ITGA11: variants seen among roughly 807,000 people sequenced by gnomAD.
ITGA11 encodes integrin subunit alpha 11.
ITGA11 carries 97 observed loss-of-function variants against 141.9 expected under a neutral mutation model. That is an observed-to-expected ratio of 0.68 (90% CI 0.58 to 0.81). ITGA11 has a LOEUF of 0.81. Ranked by LOEUF, ITGA11 falls within the 30% of genes least tolerant of loss-of-function variation. The pLI, the probability that ITGA11 is intolerant of heterozygous loss-of-function variation, is 0.00. For missense variants in ITGA11, 1,387 were observed against 1,559.2 expected, an observed-to-expected ratio of 0.89 and a Z score of 1.86; for synonymous variants, 658 against 624.6, an observed-to-expected ratio of 1.05 and a Z score of -0.80.
intron 10 of ITGA11, among the ~76,000 whole-genome samples, chr15:68,342,080 C>T (rs544619672): frequency 2.6e-5 from 4 of 152,148 alleles, no homozygotes; most frequent in African/African-American, 9.7e-5. Flanking sequence ...CTGAAGCAAG[C>T]CTTAGTATGT....
At chr15:68,316,685 C>T (rs1217511316) in intron 21 of ITGA11, among the ~76,000 whole-genome samples, 2 of 152,240 alleles carry the variant, frequency 1.3e-5, no homozygotes, top group Admixed American at 6.5e-5. Flanking sequence ...CTGGCTCCTG[C>T]CACAGCTCCT....
intron 11 of ITGA11, among the ~76,000 whole-genome samples, chr15:68,336,837 G>A (rs75436423): frequency 0.031 from 4,704 of 152,260 alleles, 103 homozygotes; most frequent in Middle Eastern, 0.075. Flanking sequence ...CTGTCACTTG[G>A]GTCTCATTGG....
At position 68,326,618 on chromosome 15, in the gene ITGA11, G is replaced by C; in HGVS notation, c.2211+36C>G. On this transcript the variant is annotated intron_variant, in intron 17 of 29. Transcript: ENST00000315757. The surrounding 1 kb of genome is among the most constrained non-coding windows in gnomAD (Gnocchi z 6.8). ...CCCACGGCAGATGCTCCTTCCTATA[G>C]GAGCTTGGGCTCTGCTGGTGGGGCT... 1 of 1,559,434 alleles carries C rather than the reference G, an allele frequency of 6.4e-7. No individual in the cohort carries two copies. Among genetic ancestry groups the C allele is most frequent in the Non-Finnish European group, 8.7e-7 (1 of 1,151,216 alleles).
intron 1 of ITGA11, among the ~76,000 whole-genome samples, chr15:68,405,161 T>G (rs1896617974): frequency 6.7e-6 from 1 of 148,322 alleles, no homozygotes; most frequent in Non-Finnish European, 1.5e-5. Context: ...CTGTCTCCCT[T>G]TTTTTTTTTT....
chr15:68,364,769 G>C lies in ITGA11; in HGVS notation c.295C>G (p.Arg99Gly). 1 of 1,613,192 alleles carries C rather than the reference G, an allele frequency of 6.2e-7. No homozygotes were observed. Among genetic ancestry groups the C allele is most frequent in the Non-Finnish European group, 8.5e-7 (1 of 1,179,482 alleles). ...AGGCCGAGGCGCATGTTGTCTTTCC[G>C]CTCGGACACGTTGGACAGGGTGACC... ...GRVTLSNVSE[R>G]KDNMRLGLSL... The change falls in exon 4 of 30, where the codon CGG becomes GGG. Residue 99 changes from arginine to glycine, a missense_variant. By Grantham distance (125) the Arg-to-Gly change is moderately radical. Coordinates refer to ENST00000315757, the MANE Select transcript of ITGA11 (RefSeq NM_001004439.2).
At chr15:68,339,471 G>C in intron 11 of ITGA11, 29 bp downstream of exon 11, 1 of 1,597,456 alleles carries the variant, frequency 6.3e-7, no homozygotes, top group Non-Finnish European at 8.5e-7. Context: ...CCCACGACCC[G>C]CCAGCCTCCC....
chr15:68,405,288 T>C (rs1201649138), intron 1 of ITGA11, among the ~76,000 whole-genome samples: 2 of 151,776 alleles, frequency 1.3e-5, no homozygotes, highest in Non-Finnish European at 2.9e-5. Context: ...ACGTGTTATC[T>C]TATTGAACAT....
chr15:68,413,749 G>A (rs911190687), intron 1 of ITGA11, among the ~76,000 whole-genome samples: 1 of 152,162 alleles, frequency 6.6e-6, no homozygotes, highest in African/African-American at 2.4e-5. Context: ...GTCGGCACTC[G>A]AGCATCTGTC....
Position 68,320,241 on chromosome 15 carries a change from T to A in ITGA11, c.2560A>T (p.Thr854Ser). The A allele has an allele frequency of 6.2e-7, 1 of 1,614,074 alleles. No individual in the cohort carries two copies. Among genetic ancestry groups the A allele is most frequent in the Non-Finnish European group, 8.5e-7 (1 of 1,179,908 alleles). ...LENRGENAYS[T>S]VLNISQSANL... ...GCTGACTGCGAGATATTTAGGACCG[T>A]GCTGTAGGCGTTCTCGCCCCTGTTC... Residue 854 changes from threonine to serine, a missense_variant, in exon 20 of 30, where the codon ACG becomes TCG. Coordinates refer to ENST00000315757, the MANE Select transcript of ITGA11 (RefSeq NM_001004439.2).
chr15:68,297,915 C>G lies in ITGA11; in HGVS notation c.*5144G>C. On this transcript the variant is annotated 3_prime_UTR_variant, in exon 30 of 30. Coordinates refer to ENST00000315757, the MANE Select transcript of ITGA11 (RefSeq NM_001004439.2). ...AAGGCCACACAAGGACTATGTGTGT[C>G]GTAACTGAGAGTAGGCTCTGGGTCT... The G allele has an allele frequency of 6.6e-6, 1 of 152,138 alleles. No individual in the cohort carries two copies. Among genetic ancestry groups the G allele is most frequent in the Non-Finnish European group, 1.5e-5 (1 of 68,038 alleles). 9.4% of individuals were successfully genotyped at this position (152,138 alleles called of 1,614,324 possible).
rs75833921 is a variant in ITGA11, at chr15:68,321,165, CTTTTTTTTTTTT to C, written c.2408+241_2408+252del. Among the ~76,000 whole-genome samples, 37 of 146,136 alleles carry C rather than the reference CTTTTTTTTTTTT, an allele frequency of 2.5e-4. No individual in the cohort carries two copies. Among genetic ancestry groups the C allele is most frequent in the Admixed American group, 8.1e-4 (12 of 14,902 alleles). On this transcript the variant is annotated intron_variant, in intron 19 of 29. Transcript: ENST00000315757. The surrounding 1 kb of genome is among the most constrained non-coding windows in gnomAD (Gnocchi z 4.9). ...AATGTGGGCTCCGAAGAAAGGGTTT[CTTTTTTTTTTTT>C]TTTTTAACAAAATTTGAAATTAGAT...
intron 9 of ITGA11, 149 bp downstream of exon 9, chr15:68,350,468 G>A (rs2140330822): frequency 1.4e-6 from 1 of 709,510 alleles, no homozygotes; most frequent in South Asian, 2.3e-5. Context: ...GGGGTTACAG[G>A]CGTGAGTCAC....
chr15:68,373,323 G>C (rs4777046), intron 2 of ITGA11, among the ~76,000 whole-genome samples: 114,571 of 152,142 alleles, frequency 0.75, 43,711 homozygotes, highest in East Asian at 0.88. Flanking sequence ...GCAAAGAGGT[G>C]CCCAGTGACC....
At chr15:68,329,299 A>T (rs1298392898) in intron 15 of ITGA11, among the ~76,000 whole-genome samples, 2 of 152,166 alleles carry the variant, frequency 1.3e-5, no homozygotes, top group African/African-American at 4.8e-5. Flanking sequence ...TTGACTTCCC[A>T]TTGGAATCAC....
chr15:68,360,672 AG>A (rs1168078109), intron 5 of ITGA11, among the ~76,000 whole-genome samples: 1 of 152,196 alleles, frequency 6.6e-6, no homozygotes, highest in African/African-American at 2.4e-5. Flanking sequence ...GACTAGCTCT[AG>A]GGGTGGTGAC....
intron 2 of ITGA11, among the ~76,000 whole-genome samples, chr15:68,389,858 GT>G (rs1567154023): frequency 6.6e-6 from 1 of 152,168 alleles, no homozygotes; most frequent in Non-Finnish European, 1.5e-5. Context: ...GCCCAGCTCT[GT>G]TTTTTCTCAG....
At chr15:68,358,889 G>A (rs1895155222) in intron 5 of ITGA11, among the ~76,000 whole-genome samples, 1 of 152,216 alleles carries the variant, frequency 6.6e-6, no homozygotes, top group Non-Finnish European at 1.5e-5. Flanking sequence ...AGCCAGCACT[G>A]CTCAAATCAG....
chr15:68,366,659 T>C (rs1482326193), intron 3 of ITGA11, among the ~76,000 whole-genome samples: 1 of 152,044 alleles, frequency 6.6e-6, no homozygotes, highest in Non-Finnish European at 1.5e-5. Flanking sequence ...TGTGTTGGAG[T>C]TAGACAGACT....
chr15:68,357,077 T>A (rs1450371384), intron 7 of ITGA11, 74 bp downstream of exon 7: 2 of 1,349,896 alleles, frequency 1.5e-6, no homozygotes, highest in Non-Finnish European at 2.0e-6. Flanking sequence ...TGTGGTAGTG[T>A]GTTACAAGGC....
Sources: gnomAD v4.1 joint callset for allele counts (sites outside exome capture counted in the v4.1 genomes callset) on GRCh38, gnomAD v4.1.1 for gene constraint, Gnocchi (gnomAD v3.1) non-coding constraint, MANE v1.5 for transcripts, NCBI Gene and HGNC (gene_info 2026-07-23, HGNC 2026-07-21) for gene names.